The following TOMM20L variants were observed in gnomAD, a reference collection of about 807,000 sequenced individuals.
The protein encoded by TOMM20L is TOMM20-like protein 1.
In TOMM20L, 19 loss-of-function variants were observed where a neutral mutation model predicts 20.4. The observed-to-expected ratio is 0.93, with a 90% confidence interval of 0.65 to 1.36. The LOEUF is 1.36. Among genes scored for constraint, TOMM20L ranks in the 40% most tolerant of loss-of-function variants. TOMM20L has a pLI of 0.00. For missense variants in TOMM20L, 218 were observed against 203.7 expected (o/e 1.07, Z -0.43); for synonymous variants, 75 against 79.6 (o/e 0.94, Z 0.30).
At chr14:58,409,056 C>G, downstream of TOMM20L, 1 of 1,613,754 alleles carries the variant, frequency 6.2e-7, no homozygotes, top group Non-Finnish European at 8.5e-7. Flanking sequence ...GCCAAGGAGT[C>G]CTGCTTTGGC....
intron 2 of TOMM20L, among the ~76,000 whole-genome samples, chr14:58,400,105 G>A (rs1177144732): frequency 6.6e-6 from 1 of 151,482 alleles, no homozygotes; most frequent in African/African-American, 2.4e-5. Flanking sequence ...TCCCTACTCT[G>A]CAGATTAAAG....
At chr14:58,410,931 T>C (rs767019978), downstream of TOMM20L, 4 of 1,611,146 alleles carry the variant, frequency 2.5e-6, no homozygotes, top group Non-Finnish European at 3.4e-6. Context: ...CCCCAGAAAT[T>C]CCTTAAACTA....
intron 4 of TOMM20L, 96 bp from the exon 5 acceptor site, chr14:58,408,430 AAAG>A: frequency 8.7e-7 from 1 of 1,146,308 alleles, no homozygotes; most frequent in South Asian, 1.4e-5. Context: ...AAAAAAAAAA[AAAG>A]AAAAGTATAT....
chr14:58,408,615 A>C lies in TOMM20L; in HGVS notation c.*33A>C, dbSNP rs1236520128. 6.3e-7 allele frequency: 1 copy of C among 1,596,622 alleles called. No homozygotes were observed. Among genetic ancestry groups the C allele is most frequent in the Admixed American group, 1.7e-5 (1 of 59,650 alleles). ...TTCAACGTATCCACAGTCCAGTGAG[A>C]ATACTATGGTACCATACAGTATAAA... is the stretch of plus-strand genomic sequence containing the variant. On this transcript the variant is annotated 3_prime_UTR_variant, in exon 5 of 5. Coordinates refer to ENST00000360945, the MANE Select transcript of TOMM20L (RefSeq NM_207377.3).
downstream of TOMM20L, among the ~76,000 whole-genome samples, chr14:58,410,294 C>T (rs1051038583): frequency 2.2e-4 from 34 of 151,944 alleles, no homozygotes; most frequent in African/African-American, 8.0e-4. Context: ...AGGCTGGTTT[C>T]GAACTCCTGG....
chr14:58,409,071 A>G, downstream of TOMM20L: 2 of 1,613,886 alleles, frequency 1.2e-6, no homozygotes, highest in Non-Finnish European at 1.7e-6. Flanking sequence ...TTTGGCTGCC[A>G]GGGCTTCATT....
downstream of TOMM20L, chr14:58,412,231 C>T (rs2036243872): frequency 9.4e-6 from 3 of 318,844 alleles, no homozygotes; most frequent in South Asian, 3.6e-5. Flanking sequence ...CAACCTCTGC[C>T]TCCGGGTTCA....
chr14:58,401,949 C>T (rs985397870), intron 2 of TOMM20L, among the ~76,000 whole-genome samples: 1 of 152,182 alleles, frequency 6.6e-6, no homozygotes, highest in Non-Finnish European at 1.5e-5. Context: ...GCTACATGAA[C>T]AGGTCTCACA....
intron 2 of TOMM20L, 55 bp downstream of exon 2, chr14:58,396,396 T>A: frequency 6.3e-7 from 1 of 1,599,786 alleles, no homozygotes; most frequent in Non-Finnish European, 8.5e-7. Flanking sequence ...CCGGGCTCGC[T>A]GGGTTGCTTG....
At chr14:58,399,821 TG>T (rs1337400620) in intron 2 of TOMM20L, among the ~76,000 whole-genome samples, 1 of 148,682 alleles carries the variant, frequency 6.7e-6, no homozygotes, top group Non-Finnish European at 1.5e-5. Flanking sequence ...TGACTCATCT[TG>T]TTTAAATATC....
chr14:58,403,556 C>T (rs1023738460), intron 3 of TOMM20L, among the ~76,000 whole-genome samples: 4 of 151,830 alleles, frequency 2.6e-5, no homozygotes, highest in Admixed American at 6.6e-5. Flanking sequence ...TTATTCCTAC[C>T]GGCAGGGCAC....
At chr14:58,403,408 T>C (rs1050784257) in intron 3 of TOMM20L, among the ~76,000 whole-genome samples, 47 of 152,172 alleles carry the variant, frequency 3.1e-4, no homozygotes, top group Non-Finnish European at 1.5e-5. Flanking sequence ...ATGTTCCTGC[T>C]TTCTTAGAAT....
intron 2 of TOMM20L, among the ~76,000 whole-genome samples, chr14:58,400,892 C>A (rs2035985595): frequency 6.6e-6 from 1 of 151,976 alleles, no homozygotes; most frequent in African/African-American, 2.4e-5. Flanking sequence ...AACAAACAAA[C>A]AAACATTTAC....
the TOMM20L span, among the ~76,000 whole-genome samples, chr14:58,413,744 A>G: frequency 6.6e-6 from 1 of 151,970 alleles, no homozygotes; most frequent in Non-Finnish European, 1.5e-5. Flanking sequence ...GTGGTGGCTC[A>G]CGCCTGTAAT....
intron 2 of TOMM20L, among the ~76,000 whole-genome samples, chr14:58,401,439 G>A (rs1304571487): frequency 1.3e-5 from 2 of 151,944 alleles, no homozygotes; most frequent in Non-Finnish European, 2.9e-5. Context: ...GCGTGGTGAT[G>A]GGCACCTATA....
intron 3 of TOMM20L, among the ~76,000 whole-genome samples, chr14:58,406,970 A>T (rs927699870): frequency 3.3e-5 from 5 of 152,178 alleles, no homozygotes; most frequent in African/African-American, 1.2e-4. Context: ...TCAATCACAC[A>T]TGTAAAGATA....
At chr14:58,403,825 G>A (rs1278799011) in intron 3 of TOMM20L, among the ~76,000 whole-genome samples, 1 of 151,698 alleles carries the variant, frequency 6.6e-6, no homozygotes, top group Non-Finnish European at 1.5e-5. Context: ...GCGACAGAGC[G>A]AGACTCCGGC....
At chr14:58,400,211 G>A (rs1236658520) in intron 2 of TOMM20L, among the ~76,000 whole-genome samples, 1 of 151,718 alleles carries the variant, frequency 6.6e-6, no homozygotes, top group Non-Finnish European at 1.5e-5. Context: ...TTCAAGACCA[G>A]TCTGGCCAAC....
chr14:58,397,971 T>A (rs1440407796), intron 2 of TOMM20L, among the ~76,000 whole-genome samples: 2 of 152,116 alleles, frequency 1.3e-5, no homozygotes, highest in African/African-American at 4.8e-5. Flanking sequence ...AAGAATACAG[T>A]TCATGCCGAC....
Sources: allele counts gnomAD v4.1 joint callset (sites outside exome capture counted in the v4.1 genomes callset), GRCh38; gene constraint gnomAD v4.1.1; transcripts MANE v1.5; gene names NCBI Gene and HGNC (gene_info 2026-07-23, HGNC 2026-07-21).